BUB1: variants seen among roughly 807,000 people sequenced by gnomAD.
The protein encoded by BUB1 is mitotic checkpoint serine/threonine-protein kinase BUB1.
In BUB1, 84 loss-of-function variants were observed where a neutral mutation model predicts 135.2. The observed-to-expected ratio is 0.62, with a 90% CI of 0.52 to 0.74. The LOEUF (loss-of-function observed/expected upper bound fraction) is 0.74. Ranked by LOEUF, BUB1 falls within the 30% of genes least tolerant of loss-of-function variation. BUB1 has a pLI of 0.00. For synonymous variants in BUB1, 403 were observed against 434.4 expected (o/e 0.93, Z 0.90); for missense variants, 1,162 against 1,288.3 (o/e 0.90, Z 1.50).
chr2:110,657,793 A>G, intron 13 of BUB1, 148 bp from the exon 14 acceptor site: 1 of 587,584 alleles, frequency 1.7e-6, no homozygotes, highest in Non-Finnish European at 2.9e-6. Context: ...GTAAGTCACT[A>G]TAGTGAGATG....
intron 20 of BUB1, 24 bp downstream of exon 20, chr2:110,642,095 C>T (rs758207639): frequency 9.2e-6 from 14 of 1,528,996 alleles, no homozygotes; most frequent in African/African-American, 8.4e-5. Flanking sequence ...CTATATCATA[C>T]AAAAGACAAC....
At chr2:110,668,876 G>C (rs968180679) in intron 6 of BUB1, among the ~76,000 whole-genome samples, 3 of 149,852 alleles carry the variant, frequency 2.0e-5, no homozygotes, top group Admixed American at 1.3e-4. Context: ...TAGAGGTAGC[G>C]AGGTCCCAAG....
Position 110,667,514 on chromosome 2 carries a change from C to T in BUB1, c.805+7G>A. 3.1e-6 allele frequency: 5 copies of T among 1,598,290 alleles called. No homozygotes were observed. Among genetic ancestry groups the T allele is most frequent in the Non-Finnish European group, 4.3e-6 (5 of 1,174,814 alleles). On this transcript the variant is annotated splice_region_variant and intron_variant, in intron 8 of 24. Transcript: ENST00000302759. The stretch of plus-strand genomic sequence containing the variant: ...AAGAATAACTAAAAATACAAGATTG[C>T]AAGTACCCCATTGCTCATGCTTTCT...
chr2:110,654,156 C>A (rs1030753186), intron 16 of BUB1, among the ~76,000 whole-genome samples: 7 of 152,114 alleles, frequency 4.6e-5, no homozygotes, highest in African/African-American at 1.7e-4. Flanking sequence ...GGGCTACACC[C>A]AGCTTCAGGA....
chr2:110,653,610 G>A (rs1689842491), intron 16 of BUB1, 87 bp from the exon 17 acceptor site: 4 of 1,095,624 alleles, frequency 3.7e-6, no homozygotes, highest in Non-Finnish European at 4.1e-6. Flanking sequence ...CAAAGTCTAG[G>A]ATTTCTTTTG....
intron 1 of BUB1, among the ~76,000 whole-genome samples, chr2:110,675,602 A>G (rs924564160): frequency 5.3e-5 from 8 of 152,046 alleles, no homozygotes; most frequent in African/African-American, 1.2e-4. Context: ...CTGAGACACT[A>G]TAAGATTTTT....
intron 1 of BUB1, among the ~76,000 whole-genome samples, chr2:110,677,229 G>A (rs1206667355): frequency 6.6e-6 from 1 of 152,218 alleles, no homozygotes; most frequent in Non-Finnish European, 1.5e-5. Context: ...CTAGGTTGAA[G>A]GTTACAGAAA....
chr2:110,674,777 G>A, intron 1 of BUB1: 1 of 232,808 alleles, frequency 4.3e-6, no homozygotes, highest in South Asian at 5.4e-5. Context: ...ATCCAGGCAT[G>A]GCACTGACTC....
chr2:110,641,338 T>A lies in BUB1; in HGVS notation c.2752A>T (p.Ile918Phe), dbSNP rs776826645. The A allele has an allele frequency of 6.2e-6, 10 of 1,612,244 alleles. No individual in the cohort carries two copies. The highest frequency in any genetic ancestry group is 8.5e-6 in the Non-Finnish European group (10 of 1,179,298). Residue 918 changes from isoleucine to phenylalanine, a missense_variant, in exon 22 of 25, where the codon ATT (isoleucine) becomes TTT (phenylalanine). Coordinates refer to ENST00000302759, the MANE Select transcript of BUB1 (RefSeq NM_004336.5). Reference sequence around the variant, plus strand: ...CCAAGTATGAAATTGTCTGGTTTAATGTCTCCATGAATGATTTCACAGTCA... The same window carrying A: ...CCAAGTATGAAATTGTCTGGTTTAAAGTCTCCATGAATGATTTCACAGTCA... ...VHDCEIIHGD[I>F]KPDNFILGNG...
At chr2:110,644,057 G>GAAAAAA in intron 19 of BUB1, among the ~76,000 whole-genome samples, 1 of 14,848 alleles carries the variant, frequency 6.7e-5, no homozygotes, top group Non-Finnish European at 1.3e-4. Flanking sequence ...AAACTGAAAT[G>GAAAAAA]CAAAAAAAAA....
rs1159992404 is a variant in BUB1 at position 110,648,677 on chromosome 2, TTTTTCTG to T, written c.2347+550_2347+556del. ...GTAGGAATATGTACTTTATGCTGAA[TTTTTCTG>T]TAAGCTTAAAACTTCTCTTAAAAAT... On this transcript the variant is annotated intron_variant, in intron 19 of 24. Transcript: ENST00000302759. The surrounding 1 kb of genome is among the most constrained non-coding windows in gnomAD (Gnocchi z 4.2). 1 of 152,176 alleles carries T rather than the reference TTTTTCTG, an allele frequency of 6.6e-6. No individual in the cohort carries two copies. The highest frequency in any genetic ancestry group is 1.5e-5 in the Non-Finnish European group (1 of 68,030). The allele number at this position is 152,176 out of a possible 1,614,324, so 9.4% of individuals were successfully genotyped here.
intron 19 of BUB1, among the ~76,000 whole-genome samples, chr2:110,643,826 A>G (rs772959919): frequency 1.3e-5 from 2 of 151,948 alleles, no homozygotes; most frequent in Non-Finnish European, 2.9e-5. Flanking sequence ...TTTTTTTTTT[A>G]ATTCTAATTG....
chr2:110,649,128 TG>T (rs1303494042), intron 19 of BUB1, 105 bp downstream of exon 19: 3 of 1,097,848 alleles, frequency 2.7e-6, no homozygotes, highest in South Asian at 1.8e-5. Flanking sequence ...TATTGGAGGT[TG>T]GGGGGCAAAT....
chr2:110,641,717 C>T lies in BUB1; in HGVS notation c.2550G>A (p.Met850Ile). Residue 850 changes from methionine (M) to isoleucine (I), a missense_variant, in exon 21 of 25, where the codon ATG (methionine) becomes ATA (isoleucine). By Grantham distance (10) the Met-to-Ile change is conservative. Transcript: ENST00000302759. Reference protein sequence around the residue: ...RLKPSMQHMFMKFYSAHLFQN... With the variant: ...RLKPSMQHMFIKFYSAHLFQN... ...GGAATAAGTGGGCAGAATAGAACTT[C>T]ATAAACATGTGCTGCATAGATGGCT... 6.2e-7 allele frequency: 1 copy of T among 1,612,978 alleles called. No homozygotes were observed.
intron 19 of BUB1, among the ~76,000 whole-genome samples, chr2:110,645,597 G>A (rs1318699586): frequency 6.6e-6 from 1 of 152,016 alleles, no homozygotes; most frequent in Non-Finnish European, 1.5e-5. Flanking sequence ...GTGTGTGTGT[G>A]TGTGTGTGTG....
chr2:110,653,863 G>C (rs942892581), intron 16 of BUB1, among the ~76,000 whole-genome samples: 1 of 152,002 alleles, frequency 6.6e-6, no homozygotes, highest in Non-Finnish European at 1.5e-5. Context: ...AAATTAACCA[G>C]ATGTGGTGGT....
chr2:110,661,734 T>C lies in BUB1; in HGVS notation c.1065A>G (p.Pro355=), dbSNP rs1158889225. 9 of 1,614,122 alleles carry C rather than the reference T, an allele frequency of 5.6e-6. No homozygotes were observed. In the South Asian group the frequency reaches 8.8e-5, roughly 16 times the overall value. ...GAGGAACAACAGGAGGTGCCTCTCT[T>C]GGGTTCTTTTCCATGTTCACTGGTG... ...QQTPVNMEKN[P]REAPPVVPPL... is the part of the protein sequence containing the mutation. The change falls in exon 10 of 25, where the codon CCA becomes CCG. Residue 355 remains proline (P), a synonymous_variant. Coordinates refer to ENST00000302759, the MANE Select transcript of BUB1 (RefSeq NM_004336.5).
At chr2:110,642,005 C>A in intron 20 of BUB1, 114 bp downstream of exon 20, 1 of 993,924 alleles carries the variant, frequency 1.0e-6, no homozygotes, top group Non-Finnish European at 1.5e-6. Context: ...TTTTTAATTG[C>A]CAACTGTAGA....
At chr2:110,664,291 A>AC (rs1690183190) in intron 9 of BUB1, among the ~76,000 whole-genome samples, 1 of 152,186 alleles carries the variant, frequency 6.6e-6, no homozygotes, top group Non-Finnish European at 1.5e-5. Flanking sequence ...CAGATACATC[A>AC]CTATGTCACA....
Sources: gnomAD v4.1 joint callset for allele counts (sites outside exome capture counted in the v4.1 genomes callset) on GRCh38, gnomAD v4.1.1 for gene constraint, Gnocchi (gnomAD v3.1) non-coding constraint, MANE v1.5 for transcripts, NCBI Gene and HGNC (gene_info 2026-07-23, HGNC 2026-07-21) for gene names.